PPA2: variants seen among roughly 807,000 people sequenced by gnomAD.
The protein encoded by PPA2 is inorganic pyrophosphatase 2.
A neutral mutation model predicts 49.5 loss-of-function variants in PPA2; 48 were observed. That is an observed-to-expected ratio of 0.97 (90% CI 0.77 to 1.23). The LOEUF (loss-of-function observed/expected upper bound fraction) is 1.23. PPA2 is among the 50% of genes most tolerant of loss of function. PPA2 has a pLI of 0.00. For missense variants in PPA2, 429 were observed against 410.1 expected (o/e 1.05, Z -0.40); for synonymous variants, 131 against 139.9 (o/e 0.94, Z 0.45).
intron 9 of PPA2, 24 bp from the exon 10 acceptor site, chr4:105,386,660 T>C (rs763751874): frequency 5.7e-5 from 91 of 1,598,852 alleles, no homozygotes; most frequent in Non-Finnish European, 7.4e-5. Flanking sequence ...GAGAATGTTA[T>C]TATTAAACAG....
At chr4:105,391,048 A>C (rs1208925072) in intron 9 of PPA2, among the ~76,000 whole-genome samples, 1 of 152,210 alleles carries the variant, frequency 6.6e-6, no homozygotes, top group Non-Finnish European at 1.5e-5. Context: ...ACATGGATGA[A>C]GCTGGAAACC....
At chr4:105,378,934 G>T (rs1733366190) in intron 10 of PPA2, among the ~76,000 whole-genome samples, 1 of 152,002 alleles carries the variant, frequency 6.6e-6, no homozygotes, top group Admixed American at 6.6e-5. Flanking sequence ...TTGAAATCAG[G>T]AAAAGTTATG....
chr4:105,453,497 G>C (rs908385568), intron 3 of PPA2, 101 bp downstream of exon 3: 1 of 832,500 alleles, frequency 1.2e-6, no homozygotes, highest in East Asian at 3.0e-5. Flanking sequence ...AGTCTTGCAG[G>C]GGTAAAAACC....
At chr4:105,444,883 T>C (rs1488160287) in intron 5 of PPA2, among the ~76,000 whole-genome samples, 1 of 152,172 alleles carries the variant, frequency 6.6e-6, no homozygotes, top group Admixed American at 6.5e-5. Flanking sequence ...TTACACACTA[T>C]TCAAATGCAG....
At chr4:105,458,013 G>C (rs1452277190) in intron 1 of PPA2, among the ~76,000 whole-genome samples, 3 of 152,192 alleles carry the variant, frequency 2.0e-5, no homozygotes, top group Admixed American at 1.3e-4. Flanking sequence ...TCAAACATCA[G>C]AAGACTGGAG....
At chr4:105,453,822 G>T in intron 2 of PPA2, 180 bp from the exon 3 acceptor site, 1 of 434,744 alleles carries the variant, frequency 2.3e-6, no homozygotes, top group Non-Finnish European at 4.1e-6. Context: ...TGTATCCCCA[G>T]AATAGAGCAT....
chr4:105,424,353 A>G lies in PPA2; in HGVS notation c.529-31T>C, dbSNP rs760770548. 2.0e-5 allele frequency: 31 copies of G among 1,565,602 alleles called. No individual in the cohort carries two copies. The South Asian group carries it at 3.6e-4, about 18-fold the overall frequency. On this transcript the variant is annotated intron_variant, in intron 6 of 11. Coordinates refer to ENST00000341695, the MANE Select transcript of PPA2 (RefSeq NM_176869.3). ...AAGAAAAAAGAAATTCACTATTTGC[A>G]AGGCTTTGGAGAGTTTACTCACATA...
intron 7 of PPA2, among the ~76,000 whole-genome samples, chr4:105,419,417 T>C (rs1368821353): frequency 6.6e-6 from 1 of 152,180 alleles, no homozygotes; most frequent in Non-Finnish European, 1.5e-5. Flanking sequence ...GTTTGGCTTT[T>C]TGTTAATGAG....
intron 6 of PPA2, among the ~76,000 whole-genome samples, chr4:105,429,441 T>C (rs940272818): frequency 2.0e-5 from 3 of 152,196 alleles, no homozygotes; most frequent in African/African-American, 7.2e-5. Context: ...TTTCATATAA[T>C]GGTCAATATT....
At chr4:105,461,043 T>C (rs1486949575) in intron 1 of PPA2, among the ~76,000 whole-genome samples, 1 of 152,178 alleles carries the variant, frequency 6.6e-6, no homozygotes, top group Non-Finnish European at 1.5e-5. Flanking sequence ...AAAACAAATA[T>C]GGCCTTAGAT....
chr4:105,450,598 A>ATTTTTTTTTTTTT (rs1560637285), intron 3 of PPA2, among the ~76,000 whole-genome samples: 11 of 63,314 alleles, frequency 1.7e-4, no homozygotes, highest in Non-Finnish European at 2.6e-4. Context: ...CTGGTCTGGA[A>ATTTTTTTTTTTTT]TTCTTTTTTT....
In PPA2 at chr4:105,455,810, C is replaced by T. The variant is rs1460364692; in HGVS notation, c.222+871G>A. 1.3e-5 allele frequency among the ~76,000 whole-genome samples: 2 copies of T among 152,110 alleles called. 1 individual carries two copies. The highest frequency in any genetic ancestry group is 4.8e-5 in the African/African-American group (2 of 41,396). The stretch of plus-strand genomic sequence containing the variant: ...CTCCTCAGTTCTTCAGTGGCCTCTG[C>T]CCCTATATTGATCACCCCACATCCT... On this transcript the variant is annotated intron_variant, in intron 2 of 11. Coordinates refer to ENST00000341695, the MANE Select transcript of PPA2 (RefSeq NM_176869.3).
rs117307412 is a variant in PPA2, at chr4:105,459,629, C to T, written c.158-2884G>A. 2.9e-3 allele frequency among the ~76,000 whole-genome samples: 435 copies of T among 152,264 alleles called. 2 individuals are homozygous for T. Among genetic ancestry groups the T allele is most frequent in the African/African-American group, 9.1e-3 (379 of 41,530 alleles). Reference sequence around the variant, plus strand: ...TCTATATGTTTACAGCAGCTTTATTCGGAATCACCAAAAACTGTAAACAAT... The same window carrying T: ...TCTATATGTTTACAGCAGCTTTATTTGGAATCACCAAAAACTGTAAACAAT... On this transcript the variant is annotated intron_variant, in intron 1 of 11. Transcript: ENST00000341695.
chr4:105,391,232 A>T (rs1452183300), intron 9 of PPA2, among the ~76,000 whole-genome samples: 1 of 151,306 alleles, frequency 6.6e-6, no homozygotes, highest in Non-Finnish European at 1.5e-5. Flanking sequence ...TGATGCAGGC[A>T]GGGCTTAATA....
At chr4:105,411,188 C>T (rs1722738334) in intron 7 of PPA2, among the ~76,000 whole-genome samples, 2 of 152,084 alleles carry the variant, frequency 1.3e-5, no homozygotes. Context: ...TGCAGAGACA[C>T]ACTTTGCTCA....
intron 7 of PPA2, among the ~76,000 whole-genome samples, chr4:105,404,810 G>A (rs1045914489): frequency 5.9e-5 from 9 of 152,198 alleles, no homozygotes; most frequent in South Asian, 2.1e-4. Context: ...GGCCAGGCAC[G>A]GTGGCTCACA....
chr4:105,430,730 A>T lies in PPA2; in HGVS notation c.529-6408T>A, dbSNP rs531100152. Among the ~76,000 whole-genome samples the T allele has an allele frequency of 2.6e-5, 4 of 152,336 alleles. No homozygotes were observed. In the South Asian group the frequency reaches 8.3e-4, roughly 32 times the overall value. Reference sequence around the variant, plus strand: ...GAGGTAATTTGGATCTAGATTAGGGACATGACAGTGGATAGTCTAGATAAG... The same window carrying T: ...GAGGTAATTTGGATCTAGATTAGGGTCATGACAGTGGATAGTCTAGATAAG... On this transcript the variant is annotated intron_variant, in intron 6 of 11. Coordinates refer to ENST00000341695, the MANE Select transcript of PPA2 (RefSeq NM_176869.3).
intron 7 of PPA2, among the ~76,000 whole-genome samples, chr4:105,416,788 C>A (rs114772673): frequency 0.012 from 1,771 of 152,276 alleles, 27 homozygotes; most frequent in African/African-American, 0.04. Context: ...TGAAGAGTAT[C>A]TTTCATTGTT....
rs1560611194 is a variant in PPA2 at position 105,396,244 on chromosome 4, C to G, written c.869+5G>C. On this transcript the variant is annotated splice_donor_5th_base_variant and intron_variant, in intron 9 of 11. Transcript: ENST00000341695. Reference sequence around the variant, plus strand: ...ATTACTTACATAGAAAAGACAAATTCTTACCAATTTATAGCTCCTCCATTA... The same window carrying G: ...ATTACTTACATAGAAAAGACAAATTGTTACCAATTTATAGCTCCTCCATTA... The G allele has an allele frequency of 1.3e-6, 2 of 1,539,406 alleles. No individual in the cohort carries two copies. Among genetic ancestry groups the G allele is most frequent in the Non-Finnish European group, 1.8e-6 (2 of 1,131,778 alleles).
Sources: allele counts gnomAD v4.1 joint callset (sites outside exome capture counted in the v4.1 genomes callset), GRCh38; gene constraint gnomAD v4.1.1; transcripts MANE v1.5; gene names NCBI Gene and HGNC (gene_info 2026-07-23, HGNC 2026-07-21).